The following NEBL variants were observed in gnomAD, a reference collection of about 807,000 sequenced individuals.
NEBL encodes the protein LIM and SH3 protein 2.
A neutral mutation model predicts 140.2 loss-of-function variants in NEBL; 122 were observed. The observed-to-expected ratio is 0.87, with a 90% CI of 0.75 to 1.01. The LOEUF (loss-of-function observed/expected upper bound fraction) is 1.01, where lower values mean the gene tolerates loss of function less well. Among genes scored for constraint, NEBL ranks in the 50% least tolerant of loss-of-function variants. NEBL has a pLI of 0.00. For synonymous variants in NEBL, 436 were observed against 398.9 expected (o/e 1.09, Z -1.11); for missense variants, 1,365 against 1,231.3 (o/e 1.11, Z -1.62).
At chr10:21,070,140 T>G in intron 2 of NEBL, 2 of 370,054 alleles carry the variant, frequency 5.4e-6, no homozygotes, top group Non-Finnish European at 1.1e-5. Context: ...TAGCATTACT[T>G]GAGTTGGAAT....
At chr10:20,787,456 A>G (rs1233171322) in intron 26 of NEBL, 148 bp from the exon 27 acceptor site, 17 of 702,656 alleles carry the variant, frequency 2.4e-5, no homozygotes, top group Non-Finnish European at 4.4e-5. Flanking sequence ...TTGCAGTGTT[A>G]TAAGTGATCT....
intron 2 of NEBL, among the ~76,000 whole-genome samples, chr10:21,120,007 C>T (rs1446233781): frequency 1.3e-5 from 2 of 152,114 alleles, no homozygotes; most frequent in South Asian, 4.2e-4. Flanking sequence ...CAGAGGAATG[C>T]TAAGTGATGG....
chr10:21,147,402 T>G (rs1034963801), intron 2 of NEBL, among the ~76,000 whole-genome samples: 4 of 151,504 alleles, frequency 2.6e-5, no homozygotes, highest in African/African-American at 9.7e-5. Context: ...TCCGGTTTTT[T>G]TTTTTTTTTT....
chr10:20,807,243 T>C (rs963044539), intron 26 of NEBL, among the ~76,000 whole-genome samples: 1 of 152,118 alleles, frequency 6.6e-6, no homozygotes, highest in African/African-American at 2.4e-5. Flanking sequence ...CAAGAATCAC[T>C]TGAACCCAGG....
intron 26 of NEBL, among the ~76,000 whole-genome samples, chr10:20,795,545 G>C (rs564754535): frequency 6.8e-6 from 1 of 147,118 alleles, no homozygotes; most frequent in Admixed American, 6.8e-5. Flanking sequence ...TGGGGAGAGA[G>C]AGTGTGCGTG....
chr10:20,947,481 T>C (rs901035080), intron 4 of NEBL, among the ~76,000 whole-genome samples: 2 of 152,166 alleles, frequency 1.3e-5, no homozygotes. Flanking sequence ...ACCTCCCAGT[T>C]TTTGGTGTAT....
At chr10:20,906,486 A>ATTTTG (rs1439289649) in intron 4 of NEBL, among the ~76,000 whole-genome samples, 130 of 152,342 alleles carry the variant, frequency 8.5e-4, no homozygotes, top group African/African-American at 3.1e-3. Flanking sequence ...ATATCAAAAT[A>ATTTTG]AAATTATAAT....
At chr10:20,899,431 C>G, upstream of NEBL, 1 of 1,302,358 alleles carries the variant, frequency 7.7e-7, no homozygotes, top group Non-Finnish European at 1.0e-6. Context: ...GTAATATGTT[C>G]TTAGGGACTC....
intron 2 of NEBL, among the ~76,000 whole-genome samples, chr10:21,069,499 G>T (rs1287577850): frequency 6.6e-6 from 1 of 152,118 alleles, no homozygotes; most frequent in Non-Finnish European, 1.5e-5. Context: ...ACACCACAGC[G>T]CCCGCCAGGA....
intron 2 of NEBL, among the ~76,000 whole-genome samples, chr10:21,089,853 C>T (rs1836830013): frequency 6.9e-6 from 1 of 145,822 alleles, no homozygotes; most frequent in Non-Finnish European, 1.5e-5. Context: ...TTTCCAAAAA[C>T]ATGTCCATAG....
intron 1 of NEBL, among the ~76,000 whole-genome samples, chr10:21,281,265 CA>C (rs1197349560): frequency 2.0e-5 from 3 of 152,026 alleles, no homozygotes; most frequent in African/African-American, 7.2e-5. Flanking sequence ...AGTGAGCTTC[CA>C]GCACAAAATA....
At chr10:21,143,448 C>CA (rs72021692) in intron 2 of NEBL, among the ~76,000 whole-genome samples, 26,749 of 65,774 alleles carry the variant, frequency 0.41, 4,883 homozygotes, top group East Asian at 0.48. Flanking sequence ...AACTTCATCT[C>CA]AAAAAAAAAA....
intron 2 of NEBL, among the ~76,000 whole-genome samples, chr10:21,146,113 A>G (rs1839879400): frequency 1.3e-5 from 2 of 152,172 alleles, no homozygotes; most frequent in Admixed American, 1.3e-4. Flanking sequence ...TCCTTTACAA[A>G]TCTCCAAAAG....
At position 21,053,310 on chromosome 10, in the gene NEBL, T is replaced by G. The variant is rs192536946; in HGVS notation, c.165-33109A>C. ...ATTAAGTGATGTTAAGCAGACTTCT[T>G]GGCTATAATCCCACTTCCCACTCTT... is the stretch of plus-strand genomic sequence containing the variant. On this transcript the variant is annotated intron_variant, in intron 2 of 6. Transcript: ENST00000417816. Among the ~76,000 whole-genome samples the G allele has an allele frequency of 2.0e-5, 3 of 152,282 alleles. No individual in the cohort carries two copies. In the East Asian group the frequency reaches 5.8e-4, roughly 29 times the overall value.
chr10:21,087,073 A>C (rs1011433311), intron 2 of NEBL, among the ~76,000 whole-genome samples: 1 of 152,136 alleles, frequency 6.6e-6, no homozygotes, highest in African/African-American at 2.4e-5. Context: ...CTGAGCTTCC[A>C]TCTCACCAAC....
chr10:20,790,930 T>C (rs1179417791), intron 26 of NEBL, among the ~76,000 whole-genome samples: 1 of 152,214 alleles, frequency 6.6e-6, no homozygotes, highest in Non-Finnish European at 1.5e-5. Context: ...AACAAGGGCT[T>C]TTCAATCAAA....
chr10:20,806,915 C>T (rs1043074689), intron 26 of NEBL, among the ~76,000 whole-genome samples: 3 of 152,162 alleles, frequency 2.0e-5, no homozygotes, highest in African/African-American at 7.2e-5. Flanking sequence ...GGTTGATCAA[C>T]ATTAGTTCTT....
At chr10:21,215,935 T>C (rs189341627) in intron 3 of NEBL, among the ~76,000 whole-genome samples, 10 of 152,308 alleles carry the variant, frequency 6.6e-5, no homozygotes, top group African/African-American at 2.4e-4. Flanking sequence ...CCTCCCAAAG[T>C]GCTGGAATTA....
At chr10:21,064,250 A>G (rs1008292233) in intron 2 of NEBL, among the ~76,000 whole-genome samples, 1 of 152,244 alleles carries the variant, frequency 6.6e-6, no homozygotes, top group Non-Finnish European at 1.5e-5. Flanking sequence ...TTTTCTAAAA[A>G]TACATACATA....
Sources: gnomAD v4.1 joint callset for allele counts (sites outside exome capture counted in the v4.1 genomes callset) on GRCh38, gnomAD v4.1.1 for gene constraint, MANE v1.5 for transcripts, NCBI Gene and HGNC (gene_info 2026-07-23, HGNC 2026-07-21) for gene names.